Variants in PRDM1 observed in about 807,000 individuals in gnomAD.
The protein encoded by PRDM1 is PR/SET domain 1.
A neutral mutation model predicts 62.8 loss-of-function variants in PRDM1; 13 were observed. The ratio of observed to expected loss-of-function variants is 0.21; its 90% confidence interval spans 0.13 to 0.33. PRDM1 has a LOEUF of 0.33. Among genes scored for constraint, PRDM1 ranks in the 10% least tolerant of loss-of-function variants. The probability of loss-of-function intolerance (pLI) is 1.00; values close to 1 mark genes in which losing one functional copy is unlikely to be tolerated. For synonymous variants in PRDM1, 396 were observed against 417.6 expected (o/e 0.95, Z 0.63); for missense variants, 895 against 1,058.8 (o/e 0.85, Z 2.15).
intron 1 of PRDM1, among the ~76,000 whole-genome samples, chr6:106,062,934 G>A (rs1010509399): frequency 4.6e-5 from 7 of 152,130 alleles, no homozygotes; most frequent in South Asian, 2.1e-4. Flanking sequence ...CCCCAAAAAC[G>A]CCTAAATGAA....
intron 3 of PRDM1, chr6:106,098,880 G>C: frequency 1.3e-6 from 2 of 1,512,046 alleles, no homozygotes; most frequent in Non-Finnish European, 8.9e-7. Context: ...GTCGTCAGCC[G>C]GCTTGGTCTT....
At chr6:105,998,372 C>T (rs1335691444) in intron 1 of PRDM1, among the ~76,000 whole-genome samples, 2 of 151,840 alleles carry the variant, frequency 1.3e-5, no homozygotes, top group East Asian at 3.9e-4. Flanking sequence ...GACAACATAG[C>T]GAGACCCCAT....
intron 1 of PRDM1, among the ~76,000 whole-genome samples, chr6:106,049,474 T>G (rs1773135988): frequency 6.6e-6 from 1 of 152,212 alleles, no homozygotes; most frequent in Non-Finnish European, 1.5e-5. Flanking sequence ...TTGGCCAGTG[T>G]GGATGGGAGG....
At chr6:106,098,840 G>T in intron 3 of PRDM1, 1 of 1,526,954 alleles carries the variant, frequency 6.5e-7, no homozygotes, top group African/African-American at 1.4e-5. Context: ...GAGTACAGAG[G>T]CCATAGAAAA....
At chr6:106,022,075 A>G (rs1772702804) in intron 1 of PRDM1, among the ~76,000 whole-genome samples, 1 of 152,250 alleles carries the variant, frequency 6.6e-6, no homozygotes, top group Non-Finnish European at 1.5e-5. Flanking sequence ...GTATAAGGAT[A>G]AAATAAAGCA....
rs766753754 is a variant in PRDM1 at position 106,086,357 on chromosome 6, T to A, written c.-197T>A. ...GGTTAACACAGACAAAGTGCTGCCG[T>A]GACACTCGGCCCTCCAGTGTTGCGG... is the stretch of plus-strand genomic sequence containing the variant. On this transcript the variant is annotated 5_prime_UTR_variant, in exon 1 of 7. Transcript: ENST00000369096. 32 of 522,300 alleles carry A rather than the reference T, an allele frequency of 6.1e-5. No homozygotes were observed. The highest frequency in any genetic ancestry group is 9.7e-5 in the Non-Finnish European group (28 of 290,052). The allele number at this position is 522,300 out of a possible 1,614,324, so 32.4% of individuals were successfully genotyped here.
intron 2 of PRDM1, among the ~76,000 whole-genome samples, chr6:106,089,179 T>A (rs1773896865): frequency 6.6e-6 from 1 of 152,234 alleles, no homozygotes; most frequent in Non-Finnish European, 1.5e-5. Flanking sequence ...AGATTATAGC[T>A]AGGCGTGATG....
At chr6:106,081,137 C>A (rs984895942) in intron 1 of PRDM1, among the ~76,000 whole-genome samples, 2 of 152,244 alleles carry the variant, frequency 1.3e-5, no homozygotes, top group African/African-American at 4.8e-5. Flanking sequence ...TCCCTCCCCT[C>A]TCCACCTCTC....
chr6:106,005,573 T>A (rs1221238355), intron 1 of PRDM1, among the ~76,000 whole-genome samples: 2 of 152,226 alleles, frequency 1.3e-5, no homozygotes. Context: ...AAAATGCAAC[T>A]TTCAATTCGA....
chr6:106,021,428 G>A (rs917876899), intron 1 of PRDM1, among the ~76,000 whole-genome samples: 3 of 152,150 alleles, frequency 2.0e-5, no homozygotes, highest in African/African-American at 7.2e-5. Context: ...TGCCCAAGTA[G>A]CCAAGTCTTG....
intron 1 of PRDM1, among the ~76,000 whole-genome samples, chr6:106,025,736 T>C (rs1349863134): frequency 6.6e-6 from 1 of 152,238 alleles, no homozygotes; most frequent in African/African-American, 2.4e-5. Context: ...TATTATCAAA[T>C]TGATACTCTT....
rs765659734 is a variant in PRDM1, at chr6:106,099,328, T to C, written c.440T>C (p.Phe147Ser). Reference protein sequence around the residue: ...RIYSRGELHHFIDGFNEEKSN... With the variant: ...RIYSRGELHHSIDGFNEEKSN... ...TATTCCAGAGGGGAGCTTCACCACT[T>C]CATTGACGGCTTTAATGAAGAGAAA... is the stretch of plus-strand genomic sequence containing the variant. The change falls in exon 4 of 7, where the codon TTC becomes TCC. Residue 147 changes from phenylalanine to serine, a missense_variant. This residue lies in a region of PRDM1 where 213 missense variants were observed against 283.9 expected (regional missense o/e 0.75). Transcript: ENST00000369096. 1.2e-6 allele frequency: 2 copies of C among 1,614,042 alleles called. No individual in the cohort carries two copies. Among genetic ancestry groups the C allele is most frequent in the Non-Finnish European group, 8.5e-7 (1 of 1,180,024 alleles).
intron 2 of PRDM1, among the ~76,000 whole-genome samples, chr6:106,091,625 CA>C (rs1156923567): frequency 6.6e-6 from 1 of 151,810 alleles, no homozygotes; most frequent in Non-Finnish European, 1.5e-5. Context: ...ACTAAAAATA[CA>C]AAAATTAGCC....
chr6:106,073,767 G>A (rs1211157707), intron 1 of PRDM1, among the ~76,000 whole-genome samples: 2 of 152,308 alleles, frequency 1.3e-5, no homozygotes, highest in African/African-American at 4.8e-5. Flanking sequence ...CCTGGCTATA[G>A]TATTGACACA....
rs1773665855 is a variant in PRDM1, at chr6:106,079,904, C to T, written c.-66-8297C>T. On this transcript the variant is annotated intron_variant, in intron 1 of 6. Coordinates refer to the PRDM1 transcript ENST00000651185. Reference sequence around the variant, plus strand: ...GACAGGTTATTAACCACTCTTTAGGCTATTGAGCAGGGAAGAGTGGGAAGA... The same window carrying T: ...GACAGGTTATTAACCACTCTTTAGGTTATTGAGCAGGGAAGAGTGGGAAGA... 2.6e-5 allele frequency among the ~76,000 whole-genome samples: 4 copies of T among 152,194 alleles called. No homozygotes were observed. In the South Asian group the frequency reaches 8.3e-4, roughly 32 times the overall value.
chr6:105,999,099 A>G (rs970819143), intron 1 of PRDM1, among the ~76,000 whole-genome samples: 2 of 151,680 alleles, frequency 1.3e-5, no homozygotes, highest in South Asian at 2.1e-4. Context: ...CACCATACCC[A>G]GCTAATTTTG....
chr6:106,085,063 CAT>C (rs199603446), upstream of PRDM1, among the ~76,000 whole-genome samples: 571 of 152,226 alleles, frequency 3.8e-3, 1 homozygote, highest in African/African-American at 0.013. Flanking sequence ...GATAAACAGA[CAT>C]ATTTTTTAGG....
chr6:106,000,096 G>T (rs1048839110), intron 1 of PRDM1, among the ~76,000 whole-genome samples: 3 of 152,066 alleles, frequency 2.0e-5, no homozygotes, highest in Non-Finnish European at 4.4e-5. Context: ...TGATCTGCCC[G>T]CCTTGGCCTC....
chr6:106,087,200 C>G (rs1048710905), intron 1 of PRDM1, among the ~76,000 whole-genome samples: 5 of 152,002 alleles, frequency 3.3e-5, no homozygotes, highest in African/African-American at 7.3e-5. Context: ...CAGTTTTTTT[C>G]TGAGTGTGAG....
Sources: gnomAD v4.1 joint callset for allele counts (sites outside exome capture counted in the v4.1 genomes callset) on GRCh38, gnomAD v4.1.1 for gene constraint, gnomAD v4.1.1 regional missense constraint, MANE v1.5 for transcripts, NCBI Gene and HGNC (gene_info 2026-07-23, HGNC 2026-07-21) for gene names.